Variants in CREB3L2 observed in about 807,000 individuals in gnomAD.
CREB3L2 encodes the protein cyclic AMP-responsive element-binding protein 3-like protein 2.
Under a neutral mutation model 57.2 loss-of-function variants are expected in CREB3L2, and 23 were observed. The ratio of observed to expected loss-of-function variants is 0.40; its 90% CI spans 0.29 to 0.57. The LOEUF (loss-of-function observed/expected upper bound fraction) is 0.57, where lower values mean the gene tolerates loss of function less well. Ranked by LOEUF, CREB3L2 falls within the 20% of genes least tolerant of loss-of-function variation. The pLI is 0.42. For missense variants in CREB3L2, 628 were observed against 634.7 expected, an observed-to-expected ratio of 0.99 and a Z score of 0.11; for synonymous variants, 268 against 265.1, an observed-to-expected ratio of 1.01 and a Z score of -0.11.
intron 1 of CREB3L2, among the ~76,000 whole-genome samples, chr7:137,952,397 T>A (rs1801119115): frequency 6.6e-6 from 1 of 152,158 alleles, no homozygotes; most frequent in Non-Finnish European, 1.5e-5. Context: ...TGAGAGGATA[T>A]CCCCGCCCAG....
chr7:137,926,226 A>C (rs2117236718), intron 2 of CREB3L2, among the ~76,000 whole-genome samples: 2 of 152,336 alleles, frequency 1.3e-5, no homozygotes, highest in South Asian at 4.1e-4. Context: ...CAATCCCATT[A>C]CTGGGTATAT....
chr7:137,967,643 TC>T (rs1462367542), intron 1 of CREB3L2, among the ~76,000 whole-genome samples: 4 of 152,156 alleles, frequency 2.6e-5, no homozygotes, highest in African/African-American at 9.7e-5. Context: ...TCTTCGATTC[TC>T]TCCCAGACAC....
intron 1 of CREB3L2, among the ~76,000 whole-genome samples, chr7:137,991,149 T>C (rs1012593830): frequency 2.6e-5 from 4 of 152,042 alleles, no homozygotes; most frequent in Admixed American, 6.6e-5. Context: ...GTGGCTGTCA[T>C]TGTTTTACAT....
chr7:137,921,971 C>G (rs1433047560), intron 2 of CREB3L2, among the ~76,000 whole-genome samples: 2 of 150,882 alleles, frequency 1.3e-5, no homozygotes, highest in Admixed American at 1.3e-4. Context: ...TGAGGTCTCA[C>G]TGTGTTGCTG....
At chr7:137,915,026 T>C (rs1424261165) in intron 3 of CREB3L2, among the ~76,000 whole-genome samples, 1 of 152,210 alleles carries the variant, frequency 6.6e-6, no homozygotes, top group East Asian at 1.9e-4. Context: ...CGTGCCCGGC[T>C]GCAGATAGAC....
chr7:137,999,806 T>G (rs1404357903), intron 1 of CREB3L2: 2 of 152,182 alleles, frequency 1.3e-5, no homozygotes, highest in Non-Finnish European at 2.9e-5. Flanking sequence ...ACAACAGACA[T>G]GTACCTAAGT....
At chr7:137,976,210 C>T (rs1801605527) in intron 1 of CREB3L2, among the ~76,000 whole-genome samples, 1 of 152,186 alleles carries the variant, frequency 6.6e-6, no homozygotes, top group Non-Finnish European at 1.5e-5. Context: ...CCTTGGGGTC[C>T]CTTTCCTAAA....
rs145263415 is a variant in CREB3L2, at chr7:137,920,907, T to C, written c.320-4895A>G. Among the ~76,000 whole-genome samples, 646 of 152,312 alleles carry C rather than the reference T, an allele frequency of 4.2e-3. 3 individuals carry two copies. Among genetic ancestry groups the C allele is most frequent in the African/African-American group, 0.014 (598 of 41,564 alleles). On this transcript the variant is annotated intron_variant, in intron 2 of 11. Coordinates refer to ENST00000330387, the MANE Select transcript of CREB3L2 (RefSeq NM_194071.4). Reference sequence around the variant, plus strand: ...AAATATCAAATCACAGAAAACAAAATGACAAATGTAATCTATGAAGTGAGG... The same window carrying C: ...AAATATCAAATCACAGAAAACAAAACGACAAATGTAATCTATGAAGTGAGG...
intron 1 of CREB3L2, among the ~76,000 whole-genome samples, chr7:137,986,159 T>TGTAA (rs2117321141): frequency 6.6e-6 from 1 of 152,352 alleles, no homozygotes; most frequent in South Asian, 2.1e-4. Context: ...AGAACCAGAT[T>TGTAA]GTAAGCCTAG....
At chr7:137,986,396 G>A (rs1801793107) in intron 1 of CREB3L2, among the ~76,000 whole-genome samples, 1 of 152,236 alleles carries the variant, frequency 6.6e-6, no homozygotes, top group African/African-American at 2.4e-5. Flanking sequence ...GGGAAGGAGG[G>A]CAAGTTGGCA....
At chr7:137,972,063 A>T (rs1458269303) in intron 1 of CREB3L2, among the ~76,000 whole-genome samples, 2 of 152,224 alleles carry the variant, frequency 1.3e-5, no homozygotes, top group Non-Finnish European at 2.9e-5. Flanking sequence ...CATAAAAAAA[A>T]TCTGAACTCT....
intron 1 of CREB3L2, among the ~76,000 whole-genome samples, chr7:137,999,255 A>G (rs1802037492): frequency 6.6e-6 from 1 of 152,108 alleles, no homozygotes; most frequent in South Asian, 2.1e-4. Context: ...TCAATCCCAT[A>G]GTTTGCTCTT....
At chr7:137,998,859 G>A (rs930560570) in intron 1 of CREB3L2, among the ~76,000 whole-genome samples, 1 of 152,156 alleles carries the variant, frequency 6.6e-6, no homozygotes, top group Non-Finnish European at 1.5e-5. Flanking sequence ...TGGACCCCGT[G>A]GCACTGCATG....
intron 7 of CREB3L2, among the ~76,000 whole-genome samples, chr7:137,902,490 T>C (rs1799784745): frequency 6.6e-6 from 1 of 152,008 alleles, no homozygotes; most frequent in South Asian, 2.1e-4. Flanking sequence ...AAAGAGACAG[T>C]AAAGAGACTT....
In CREB3L2 at chr7:137,876,252, G is replaced by A. The variant is rs763499347; in HGVS notation, c.*4224C>T. On this transcript the variant is annotated 3_prime_UTR_variant, in exon 12 of 12. Coordinates refer to ENST00000330387, the MANE Select transcript of CREB3L2 (RefSeq NM_194071.4). ...AATATATACAAAATCTCCCAGTGAC[G>A]AGGGATTCCTCAGTCATCCTGGATT... 1.3e-5 allele frequency: 3 copies of A among 226,618 alleles called. No homozygotes were observed. The highest frequency in any genetic ancestry group is 5.7e-5 in the Admixed American group (1 of 17,632). 14.0% of individuals were successfully genotyped at this position (226,618 alleles called of 1,614,324 possible).
At chr7:137,946,278 C>A (rs761197870) in intron 1 of CREB3L2, among the ~76,000 whole-genome samples, 31 of 152,094 alleles carry the variant, frequency 2.0e-4, no homozygotes, top group African/African-American at 7.0e-4. Flanking sequence ...GGTCTCAATT[C>A]AGTTGACTCT....
chr7:137,889,959 C>T (rs751169774), intron 8 of CREB3L2, among the ~76,000 whole-genome samples: 52 of 152,202 alleles, frequency 3.4e-4, no homozygotes, highest in Non-Finnish European at 4.7e-4. Context: ...AGCTTGTGTA[C>T]ATTCCAACAT....
At chr7:137,910,281 CT>C (rs1467546300) in intron 4 of CREB3L2, among the ~76,000 whole-genome samples, 1 of 152,194 alleles carries the variant, frequency 6.6e-6, no homozygotes, top group East Asian at 1.9e-4. Flanking sequence ...CCCTTTCTTT[CT>C]CTTTCTGCCA....
intron 1 of CREB3L2, among the ~76,000 whole-genome samples, chr7:137,949,785 G>C (rs1801063361): frequency 6.6e-6 from 1 of 152,154 alleles, no homozygotes; most frequent in African/African-American, 2.4e-5. Context: ...CATTTGCTTA[G>C]ACACTCATGG....
Sources: gnomAD v4.1 joint callset for allele counts (sites outside exome capture counted in the v4.1 genomes callset) on GRCh38, gnomAD v4.1.1 for gene constraint, MANE v1.5 for transcripts, NCBI Gene and HGNC (gene_info 2026-07-23, HGNC 2026-07-21) for gene names.